The following ADGRG2 variants were observed in gnomAD, a reference collection of about 807,000 sequenced individuals.
ADGRG2 encodes adhesion G protein-coupled receptor G2, also known as G protein-coupled receptor 64.
Under a neutral mutation model 74.1 loss-of-function variants are expected in ADGRG2, and 26 were observed. The ratio of observed to expected loss-of-function variants is 0.35; its 90% CI spans 0.26 to 0.49. ADGRG2 has a LOEUF of 0.49. Ranked by LOEUF, ADGRG2 falls within the 20% of genes least tolerant of loss-of-function variation. The pLI is 0.99. For synonymous variants in ADGRG2, 296 were observed against 295.2 expected, an observed-to-expected ratio of 1.00 and a Z score of -0.03; for missense variants, 619 against 763.1, an observed-to-expected ratio of 0.81 and a Z score of 2.22.
intron 20 of ADGRG2, among the ~76,000 whole-genome samples, chrX:19,006,913 C>T (rs936998720): frequency 9.2e-6 from 1 of 108,744 alleles, no homozygotes; most frequent in Non-Finnish European, 1.9e-5. Flanking sequence ...CCTGCCACCA[C>T]GCCCAGCTAA....
chrX:19,088,744 A>AC (rs748115215), intron 1 of ADGRG2, among the ~76,000 whole-genome samples: 1 of 111,721 alleles, frequency 9.0e-6, no homozygotes, highest in South Asian at 3.8e-4. Context: ...TCCTGAGATT[A>AC]CAGGTGTGAG....
intron 1 of ADGRG2, among the ~76,000 whole-genome samples, chrX:19,118,411 G>C (rs2062560859): frequency 1.8e-5 from 2 of 112,333 alleles, no homozygotes; most frequent in Non-Finnish European, 3.8e-5. Context: ...TTGAGACAGA[G>C]TTTCACTCTT....
At chrX:18,998,284 T>C (rs2060055075) in intron 26 of ADGRG2, among the ~76,000 whole-genome samples, 1 of 111,756 alleles carries the variant, frequency 8.9e-6, no homozygotes, top group Admixed American at 9.6e-5. Context: ...ACAGTCATGG[T>C]ATGTGTGCTT....
chrX:19,015,698 G>A (rs1480468278), intron 15 of ADGRG2, among the ~76,000 whole-genome samples: 1 of 111,863 alleles, frequency 8.9e-6, no homozygotes, highest in Admixed American at 9.5e-5. Flanking sequence ...CAGTCTGGGT[G>A]AAAGAGCGAA....
chrX:19,102,366 A>G (rs2062204592), intron 1 of ADGRG2, among the ~76,000 whole-genome samples: 1 of 110,023 alleles, frequency 9.1e-6, no homozygotes, highest in African/African-American at 3.3e-5. Flanking sequence ...GGCAAAGTTA[A>G]CAAGCCCACC....
Position 19,004,840 on chromosome X carries a change from C to T in ADGRG2, c.1879G>A (p.Ala627Thr). The T allele has an allele frequency of 8.3e-7, 1 of 1,201,039 alleles. No individual in the cohort carries two copies. The highest frequency in any genetic ancestry group is 1.1e-6 in the Non-Finnish European group (1 of 886,317). ...CCAATATATGTAATGAACGTCAGAG[C>T]CATCATTTGAGCAGGCAGCACAGAT... is the stretch of plus-strand genomic sequence containing the variant. ...RTSVLPAQMM[A>T]LTFITYIGCG... Residue 627 changes from alanine to threonine, a missense_variant, in exon 23 of 29, where the codon GCT (alanine) becomes ACT (threonine). Around this residue, in one of 3 missense-constraint regions of ADGRG2, gnomAD observed 221 missense variants for 340.6 expected, o/e 0.65. Transcript: ENST00000379869.
At chrX:19,023,836 A>C (rs2060643698) in intron 12 of ADGRG2, 73 bp downstream of exon 12, 1 of 696,670 alleles carries the variant, frequency 1.4e-6, no homozygotes, top group Non-Finnish European at 2.3e-6. Flanking sequence ...ATCTCCCAGG[A>C]ATGCAGAACC....
intron 9 of ADGRG2, among the ~76,000 whole-genome samples, chrX:19,029,844 G>C (rs1315888165): frequency 9.0e-6 from 1 of 111,221 alleles, no homozygotes; most frequent in Non-Finnish European, 1.9e-5. Flanking sequence ...AAGAGTCAGA[G>C]AGGAGGGAGA....
chrX:19,020,627 A>T (rs2060569298), intron 14 of ADGRG2, among the ~76,000 whole-genome samples: 1 of 111,232 alleles, frequency 9.0e-6, no homozygotes, highest in Non-Finnish European at 1.9e-5. Context: ...ATAAAATAAA[A>T]AACTTTATTA....
chrX:19,116,839 G>T (rs1051912206), intron 1 of ADGRG2, among the ~76,000 whole-genome samples: 1 of 111,787 alleles, frequency 8.9e-6, no homozygotes, highest in African/African-American at 3.3e-5. Flanking sequence ...CAAATGAAAG[G>T]GTAGTCAAAT....
intron 3 of ADGRG2, among the ~76,000 whole-genome samples, chrX:19,060,008 TG>T (rs2061464251): frequency 8.9e-6 from 1 of 111,783 alleles, no homozygotes; most frequent in Non-Finnish European, 1.9e-5. Flanking sequence ...GCCGCGAGCC[TG>T]TAATCCCAGC....
chrX:19,068,323 T>C (rs1247408636), intron 3 of ADGRG2, among the ~76,000 whole-genome samples: 1 of 111,978 alleles, frequency 8.9e-6, no homozygotes, highest in Non-Finnish European at 1.9e-5. Context: ...GCAACATGGG[T>C]GAACCTTGAA....
At chrX:19,118,394 T>C (rs1484314959) in intron 1 of ADGRG2, among the ~76,000 whole-genome samples, 1 of 112,476 alleles carries the variant, frequency 8.9e-6, no homozygotes, top group African/African-American at 3.2e-5. Context: ...GTTTTTGTTT[T>C]TCTTTTTTGA....
chrX:19,035,975 C>T lies in ADGRG2; in HGVS notation c.229G>A (p.Val77Ile). 1.0e-6 allele frequency: 1 copy of T among 954,116 alleles called. No homozygotes were observed. The highest frequency in any genetic ancestry group is 1.5e-6 in the Non-Finnish European group (1 of 674,619). The allele number at this position is 954,116 out of a possible 1,213,427, so 78.6% of individuals were successfully genotyped here. The stretch of plus-strand genomic sequence containing the variant: ...TTTGAAGGGAGTAAGCTTAAAGTAA[C>T]ATCTGAAATAAAATAATAAAAATTA... ...PEVETTSLND[V>I]TLSLLPSNET... Residue 77 changes from valine (V) to isoleucine (I), a missense_variant and splice_region_variant, in exon 7 of 29, where the codon GTT (valine) becomes ATT (isoleucine). Val to Ile is a conservative substitution (Grantham distance 29). Around this residue, in one of 3 missense-constraint regions of ADGRG2, gnomAD observed 292 missense variants for 318.0 expected, o/e 0.92. Transcript: ENST00000379869.
At chrX:19,110,600 C>T (rs1384228765) in intron 1 of ADGRG2, among the ~76,000 whole-genome samples, 1 of 108,564 alleles carries the variant, frequency 9.2e-6, no homozygotes, top group African/African-American at 3.4e-5. Context: ...GCACAAGAAT[C>T]ACTTGAACCC....
In ADGRG2 at chrX:19,037,600, T is replaced by C. The variant is rs746638813; in HGVS notation, c.191A>G (p.Asn64Ser). 110 of 1,166,770 alleles carry C rather than the reference T, an allele frequency of 9.4e-5. No homozygotes were observed. The highest frequency in any genetic ancestry group is 1.2e-4 in the Admixed American group (5 of 41,340). ...LSVVSFAPSS[N>S]GTPEVETTSL... ...TTTCAAAATCTTGCCTGGAGTACCATTGGAGGAGGGGGCAAAACTGACAAC... is the reference window on the plus strand; with the variant it reads ...TTTCAAAATCTTGCCTGGAGTACCACTGGAGGAGGGGGCAAAACTGACAAC... Residue 64 changes from asparagine (N) to serine (S), a missense_variant, in exon 5 of 29, where the codon AAT becomes AGT. Asn to Ser is a conservative substitution (Grantham distance 46). Transcript: ENST00000379869.
At chrX:19,090,647 T>C (rs982861811) in intron 1 of ADGRG2, among the ~76,000 whole-genome samples, 1 of 111,654 alleles carries the variant, frequency 9.0e-6, no homozygotes, top group African/African-American at 3.3e-5. Flanking sequence ...TCTTTCCTCT[T>C]CCACATTTCT....
chrX:19,055,099 A>G (rs934248539), intron 3 of ADGRG2, among the ~76,000 whole-genome samples: 1 of 111,596 alleles, frequency 9.0e-6, no homozygotes, highest in Admixed American at 9.5e-5. Flanking sequence ...GCTCTCCCTT[A>G]TTTTACATTT....
At chrX:19,007,763 T>C (rs2060267557) in intron 19 of ADGRG2, among the ~76,000 whole-genome samples, 1 of 112,242 alleles carries the variant, frequency 8.9e-6, no homozygotes, top group African/African-American at 3.2e-5. Context: ...CTGCTTAGGA[T>C]AGTGCTTGGC....
Sources: allele counts gnomAD v4.1 joint callset (sites outside exome capture counted in the v4.1 genomes callset), GRCh38; gene constraint gnomAD v4.1.1; regional missense constraint gnomAD v4.1.1; transcripts MANE v1.5; gene names NCBI Gene and HGNC (gene_info 2026-07-23, HGNC 2026-07-21).